SFXN5: variants seen among roughly 807,000 people sequenced by gnomAD.
SFXN5 encodes the protein sideroflexin 5.
In SFXN5, 43 loss-of-function variants were observed where a neutral mutation model predicts 50.2. That is an observed-to-expected ratio of 0.86 (90% CI 0.67 to 1.11). The LOEUF is 1.11. SFXN5 is among the 50% of genes least tolerant of loss of function. The probability of loss-of-function intolerance (pLI) is 0.00; values close to 1 mark genes in which losing one functional copy is unlikely to be tolerated. For missense variants in SFXN5, 463 were observed against 454.1 expected, an observed-to-expected ratio of 1.02 and a Z score of -0.18; for synonymous variants, 203 against 185.8, an observed-to-expected ratio of 1.09 and a Z score of -0.75.
Position 73,021,679 on chromosome 2 carries a change from G to A in SFXN5, c.331+843C>T, listed in dbSNP as rs1236832516. 1.4e-4 allele frequency among the ~76,000 whole-genome samples: 22 copies of A among 152,266 alleles called. No individual in the cohort carries two copies. The East Asian group carries it at 3.3e-3, about 23-fold the overall frequency. Reference sequence around the variant, plus strand: ...CTGAGGGACCCATTTGACTGAGACCGCCTTTCTCCAGCCACCCGAGGCCTT... The same window carrying A: ...CTGAGGGACCCATTTGACTGAGACCACCTTTCTCCAGCCACCCGAGGCCTT... On this transcript the variant is annotated intron_variant, in intron 5 of 13. Coordinates refer to ENST00000272433, the MANE Select transcript of SFXN5 (RefSeq NM_144579.3).
Position 73,047,247 on chromosome 2 carries a change from T to TATATATACACAC in SFXN5, c.172-6317_172-6316insGTGTGTATATAT, listed in dbSNP as rs1559199538. Among the ~76,000 whole-genome samples the TATATATACACAC allele has an allele frequency of 2.2e-3, 42 of 19,464 alleles. 1 individual carries two copies. The highest frequency in any genetic ancestry group is 0.018 in the South Asian group (6 of 328). The allele number at this position is 19,464 out of a possible 152,430, so 12.8% of individuals were successfully genotyped here. Reference sequence around the variant, plus strand: ...AAAAAAAAAAAAAAAAAAAAAAAAATATATATATATATATATATATATATA... The same window carrying TATATATACACAC: ...AAAAAAAAAAAAAAAAAAAAAAAAATATATATACACACATATATATATATATATATATATATA... On this transcript the variant is annotated intron_variant, in intron 2 of 13. Transcript: ENST00000272433.
At chr2:72,965,640 C>T (rs1573975146) in intron 12 of SFXN5, among the ~76,000 whole-genome samples, 3 of 152,254 alleles carry the variant, frequency 2.0e-5, no homozygotes, top group Admixed American at 6.5e-5. Flanking sequence ...GAGGTTTGAG[C>T]GGCAGAGCCC....
chr2:73,022,512 A>G lies in SFXN5; in HGVS notation c.331+10T>C. Reference sequence around the variant, plus strand: ...GGCTGACCAGAACCAGAAGGGCCCCAGGAGCTTACCTGACATTCTAAATGG... The same window carrying G: ...GGCTGACCAGAACCAGAAGGGCCCCGGGAGCTTACCTGACATTCTAAATGG... On this transcript the variant is annotated intron_variant, in intron 5 of 13. Transcript: ENST00000272433. The G allele has an allele frequency of 1.9e-6, 3 of 1,611,052 alleles. No individual in the cohort carries two copies. The highest frequency in any genetic ancestry group is 2.5e-6 in the Non-Finnish European group (3 of 1,177,562).
chr2:72,998,730 C>T (rs1673549025), intron 9 of SFXN5: 9 of 564,778 alleles, frequency 1.6e-5, no homozygotes, highest in Non-Finnish European at 2.2e-5. Context: ...CACAACCTCA[C>T]CTCCCCACCT....
At chr2:73,007,202 C>T in intron 6 of SFXN5, among the ~76,000 whole-genome samples, 1 of 152,136 alleles carries the variant, frequency 6.6e-6, no homozygotes, top group East Asian at 1.9e-4. Flanking sequence ...GCCCCCACCC[C>T]CTTGGCCACC....
At chr2:73,007,402 G>C (rs905812574) in intron 6 of SFXN5, among the ~76,000 whole-genome samples, 1 of 151,912 alleles carries the variant, frequency 6.6e-6, no homozygotes, top group Admixed American at 6.6e-5. Context: ...CCCCATTTCT[G>C]CTTGGCTAAT....
intron 3 of SFXN5, among the ~76,000 whole-genome samples, chr2:73,035,492 TC>T (rs1314025450): frequency 2.7e-5 from 4 of 147,332 alleles, no homozygotes; most frequent in Non-Finnish European, 4.5e-5. Context: ...GGTATCGCAA[TC>T]TTTTTTTTTT....
intron 1 of SFXN5, among the ~76,000 whole-genome samples, chr2:73,062,226 C>G (rs1360993692): frequency 6.6e-6 from 1 of 152,148 alleles, no homozygotes; most frequent in Non-Finnish European, 1.5e-5. Flanking sequence ...CTCCCTGGCT[C>G]GAAGTCTCCT....
At chr2:73,049,447 G>A (rs553063645) in intron 2 of SFXN5, 1 of 152,342 alleles carries the variant, frequency 6.6e-6, no homozygotes, top group South Asian at 2.1e-4. Flanking sequence ...AAGAGTTGGG[G>A]TCTGGCCATG....
chr2:73,061,438 A>G (rs900413529), intron 1 of SFXN5, among the ~76,000 whole-genome samples: 1 of 152,196 alleles, frequency 6.6e-6, no homozygotes, highest in African/African-American at 2.4e-5. Context: ...GGAAATGTAG[A>G]TACTATAATT....
At chr2:73,054,187 A>G (rs1054947052) in intron 2 of SFXN5, among the ~76,000 whole-genome samples, 29 of 152,208 alleles carry the variant, frequency 1.9e-4, no homozygotes, top group African/African-American at 6.8e-4. Flanking sequence ...GCCAGCAGGT[A>G]GTCCTGGAAA....
intron 6 of SFXN5, among the ~76,000 whole-genome samples, chr2:73,005,196 G>A (rs984887327): frequency 5.9e-5 from 9 of 152,192 alleles, no homozygotes; most frequent in Non-Finnish European, 7.4e-5. Context: ...CCACCCTATC[G>A]CGCTGCAGGA....
At chr2:73,056,819 C>T (rs1441608088) in intron 2 of SFXN5, among the ~76,000 whole-genome samples, 1 of 152,114 alleles carries the variant, frequency 6.6e-6, no homozygotes, top group Non-Finnish European at 1.5e-5. Flanking sequence ...AACTCTCATA[C>T]ACTGCTGATG....
chr2:73,053,353 C>A (rs1681648493), intron 2 of SFXN5: 1 of 154,366 alleles, frequency 6.5e-6, no homozygotes, highest in Non-Finnish European at 1.5e-5. Flanking sequence ...AGCCACACCT[C>A]ATTGTGGCAT....
chr2:73,069,632 T>A (rs1475924349), intron 1 of SFXN5, among the ~76,000 whole-genome samples: 1 of 152,122 alleles, frequency 6.6e-6, no homozygotes, highest in East Asian at 1.9e-4. Flanking sequence ...TCAAGAGCAG[T>A]GCCAAAAAGA....
chr2:73,045,292 C>T (rs144469270), intron 2 of SFXN5, among the ~76,000 whole-genome samples: 2 of 152,280 alleles, frequency 1.3e-5, no homozygotes, highest in Non-Finnish European at 2.9e-5. Context: ...GCTGTACTCA[C>T]GCCAGCAACC....
intron 10 of SFXN5, among the ~76,000 whole-genome samples, chr2:72,980,172 T>A (rs1022575742): frequency 2.6e-5 from 4 of 151,934 alleles, no homozygotes; most frequent in Non-Finnish European, 4.4e-5. Flanking sequence ...CCTTCCACCG[T>A]TGTGGGCAAC....
intron 6 of SFXN5, among the ~76,000 whole-genome samples, chr2:73,013,218 G>A (rs1482363957): frequency 6.6e-6 from 1 of 152,078 alleles, no homozygotes; most frequent in Admixed American, 6.6e-5. Flanking sequence ...GCCTTTTTAT[G>A]CAGCAAAAGT....
At chr2:73,019,535 T>C (rs1676588837) in intron 6 of SFXN5, 1 of 151,880 alleles carries the variant, frequency 6.6e-6, no homozygotes, top group Admixed American at 6.6e-5. Flanking sequence ...TTCATGTCAT[T>C]CTCCTGCCTC....
Sources: allele counts gnomAD v4.1 joint callset (sites outside exome capture counted in the v4.1 genomes callset), GRCh38; gene constraint gnomAD v4.1.1; transcripts MANE v1.5; gene names NCBI Gene and HGNC (gene_info 2026-07-23, HGNC 2026-07-21).